The following SCHIP1 variants were observed in gnomAD, a reference collection of about 807,000 sequenced individuals.
The protein encoded by SCHIP1 is schwannomin interacting protein 1.
In SCHIP1, 8 loss-of-function variants were observed where a neutral mutation model predicts 29.7. The observed-to-expected ratio is 0.27, with a 90% CI of 0.16 to 0.49. The LOEUF (loss-of-function observed/expected upper bound fraction) is 0.49. Ranked by LOEUF, SCHIP1 falls within the 20% of genes least tolerant of loss-of-function variation. SCHIP1 has a pLI of 0.99. For missense variants in SCHIP1, 193 were observed against 294.6 expected (o/e 0.66, Z 2.52); for synonymous variants, 76 against 94.9 (o/e 0.80, Z 1.16).
At chr3:159,486,517 A>T in the SCHIP1 span, among the ~76,000 whole-genome samples, 1 of 151,566 alleles carries the variant, frequency 6.6e-6, no homozygotes, top group Non-Finnish European at 1.5e-5. Flanking sequence ...ACATTCCTTG[A>T]TCTGTATGTT....
the SCHIP1 span, among the ~76,000 whole-genome samples, chr3:159,382,869 A>AT: frequency 6.6e-6 from 1 of 151,896 alleles, no homozygotes; most frequent in Admixed American, 6.6e-5. Context: ...GATGGTGAGC[A>AT]TTTTTGCATG....
chr3:159,889,661 C>T (rs1430956098), intron 5 of SCHIP1, among the ~76,000 whole-genome samples: 1 of 152,050 alleles, frequency 6.6e-6, no homozygotes, highest in Non-Finnish European at 1.5e-5. Context: ...AAGAGATATG[C>T]CAAACAAATG....
At chr3:159,586,937 A>G in the SCHIP1 span, among the ~76,000 whole-genome samples, 2 of 152,204 alleles carry the variant, frequency 1.3e-5, no homozygotes, top group Non-Finnish European at 2.9e-5. Context: ...GTAGTTATTT[A>G]TCCTCATTAG....
At chr3:159,297,963 C>A in the SCHIP1 span, among the ~76,000 whole-genome samples, 1 of 152,222 alleles carries the variant, frequency 6.6e-6, no homozygotes, top group South Asian at 2.1e-4. Context: ...CCCCATCTGA[C>A]ACACCATGAG....
the SCHIP1 span, among the ~76,000 whole-genome samples, chr3:159,321,153 C>T: frequency 3.8e-4 from 58 of 152,182 alleles, no homozygotes; most frequent in African/African-American, 1.3e-3. Context: ...TTGGTAGAGA[C>T]GGGGTTTCAC....
chr3:159,606,696 G>A, the SCHIP1 span, among the ~76,000 whole-genome samples: 2 of 152,178 alleles, frequency 1.3e-5, no homozygotes, highest in East Asian at 1.9e-4. Flanking sequence ...GGCTAGCCAG[G>A]AGAGTTGAAA....
chr3:159,752,589 G>C, the SCHIP1 span, among the ~76,000 whole-genome samples: 1 of 152,166 alleles, frequency 6.6e-6, no homozygotes, highest in South Asian at 2.1e-4. Flanking sequence ...TAAAGTGGGA[G>C]TGAGGTGTCT....
chr3:159,586,459 G>A, the SCHIP1 span, among the ~76,000 whole-genome samples: 1 of 152,184 alleles, frequency 6.6e-6, no homozygotes, highest in African/African-American at 2.4e-5. Flanking sequence ...TGCCTTTACA[G>A]CTGCCTGACC....
At chr3:159,639,937 A>G in the SCHIP1 span, among the ~76,000 whole-genome samples, 1 of 152,256 alleles carries the variant, frequency 6.6e-6, no homozygotes, top group Non-Finnish European at 1.5e-5. Context: ...CTGTGCCAGA[A>G]AAGAACAGAT....
At chr3:159,592,281 C>A in the SCHIP1 span, among the ~76,000 whole-genome samples, 1 of 152,074 alleles carries the variant, frequency 6.6e-6, no homozygotes, top group Non-Finnish European at 1.5e-5. Context: ...CAAGGCTCTC[C>A]TTCCTTCTCT....
chr3:159,328,570 A>C, the SCHIP1 span, among the ~76,000 whole-genome samples: 2 of 152,280 alleles, frequency 1.3e-5, no homozygotes, highest in South Asian at 4.1e-4. Context: ...AGGGTGGAAA[A>C]AGGCATTATA....
chr3:159,817,733 C>T, the SCHIP1 span, among the ~76,000 whole-genome samples: 1 of 152,078 alleles, frequency 6.6e-6, no homozygotes. Context: ...TGGAGTGTAA[C>T]CTGTTACCTT....
the SCHIP1 span, among the ~76,000 whole-genome samples, chr3:159,701,508 A>C: frequency 6.6e-6 from 1 of 152,174 alleles, no homozygotes; most frequent in African/African-American, 2.4e-5. Context: ...GGTTTGGATG[A>C]TCTTGATTCT....
chr3:159,765,201 G>C, the SCHIP1 span: 4 of 1,465,740 alleles, frequency 2.7e-6, no homozygotes, highest in South Asian at 5.4e-5. Context: ...CGCACAGCCC[G>C]CACGCCCCCT....
chr3:159,317,412 A>G, the SCHIP1 span, among the ~76,000 whole-genome samples: 1 of 152,216 alleles, frequency 6.6e-6, no homozygotes, highest in African/African-American at 2.4e-5. Flanking sequence ...AACAGGAAGC[A>G]AAAATTTTGC....
At chr3:159,445,156 C>A in the SCHIP1 span, among the ~76,000 whole-genome samples, 1 of 152,066 alleles carries the variant, frequency 6.6e-6, no homozygotes, top group Admixed American at 6.6e-5. Context: ...CCAGAATCTA[C>A]AATGAACTCA....
At chr3:159,359,985 AAC>A in the SCHIP1 span, among the ~76,000 whole-genome samples, 2 of 152,218 alleles carry the variant, frequency 1.3e-5, no homozygotes, top group African/African-American at 2.4e-5. Context: ...TGACAGCACA[AAC>A]ACAGAGGTGA....
chr3:159,787,617 G>T, the SCHIP1 span, among the ~76,000 whole-genome samples: 195 of 152,168 alleles, frequency 1.3e-3, 2 homozygotes, highest in East Asian at 0.032. Context: ...TTTGTCATTC[G>T]CCTACTTAAA....
At chr3:159,804,720 C>T in the SCHIP1 span, among the ~76,000 whole-genome samples, 2 of 152,242 alleles carry the variant, frequency 1.3e-5, no homozygotes, top group African/African-American at 4.8e-5. Context: ...CCTGGCTTCA[C>T]AGTGATGAGA....
Sources: gnomAD v4.1 joint callset for allele counts (sites outside exome capture counted in the v4.1 genomes callset) on GRCh38, gnomAD v4.1.1 for gene constraint, MANE v1.5 for transcripts, NCBI Gene and HGNC (gene_info 2026-07-23, HGNC 2026-07-21) for gene names.